Variants in ZNF362 observed in about 807,000 individuals in gnomAD.
The protein encoded by ZNF362 is zinc finger protein 362.
A neutral mutation model predicts 42.9 loss-of-function variants in ZNF362; 11 were observed. That is an observed-to-expected ratio of 0.26 (90% CI 0.16 to 0.42). The LOEUF (loss-of-function observed/expected upper bound fraction) is 0.42. Ranked by LOEUF, ZNF362 falls within the 20% of genes least tolerant of loss-of-function variation. The probability of loss-of-function intolerance (pLI) is 1.00; values close to 1 mark genes in which losing one functional copy is unlikely to be tolerated. For synonymous variants in ZNF362, 255 were observed against 257.3 expected, an observed-to-expected ratio of 0.99 and a Z score of 0.09; for missense variants, 362 against 576.2, an observed-to-expected ratio of 0.63 and a Z score of 3.81.
chr1:33,193,004 C>CACACACACACACACATATAT, the ZNF362 span, among the ~76,000 whole-genome samples: 1 of 137,202 alleles, frequency 7.3e-6, no homozygotes, highest in Admixed American at 7.5e-5. Context: ...CACACACACA[C>CACACACACACACACATATAT]ATATATATAT....
chr1:33,296,246 G>T (rs913290869), intron 8 of ZNF362, among the ~76,000 whole-genome samples: 1 of 152,174 alleles, frequency 6.6e-6, no homozygotes, highest in Non-Finnish European at 1.5e-5. Flanking sequence ...CAGCATTCCA[G>T]GCCTCCATCC....
chr1:33,181,430 C>A, the ZNF362 span: 1 of 1,593,958 alleles, frequency 6.3e-7, no homozygotes, highest in Non-Finnish European at 8.5e-7. The surrounding 1 kb of genome is among the most constrained non-coding windows in gnomAD (Gnocchi z 6.5). Context: ...GGCTGCACGC[C>A]ATGGCGCCAG....
the ZNF362 span, among the ~76,000 whole-genome samples, chr1:33,141,453 G>A: frequency 6.6e-6 from 1 of 152,110 alleles, no homozygotes; most frequent in Non-Finnish European, 1.5e-5. Flanking sequence ...AACCCTCTCT[G>A]GGCTTCAGGT....
At chr1:33,231,925 G>T in the ZNF362 span, among the ~76,000 whole-genome samples, 5 of 152,082 alleles carry the variant, frequency 3.3e-5, no homozygotes, top group African/African-American at 9.7e-5. Flanking sequence ...CAGTAGGTGG[G>T]AACTGAAATT....
the ZNF362 span, chr1:33,145,718 A>G: frequency 2.7e-6 from 1 of 369,888 alleles, no homozygotes; most frequent in Non-Finnish European, 5.5e-6. Flanking sequence ...CCACTCCTCC[A>G]GTTCCCACCT....
the ZNF362 span, among the ~76,000 whole-genome samples, chr1:33,229,834 C>G: frequency 6.6e-6 from 1 of 152,190 alleles, no homozygotes; most frequent in African/African-American, 2.4e-5. Context: ...GTCCCTCCCT[C>G]TGCTCTCTGT....
the ZNF362 span, chr1:33,181,744 G>C: frequency 2.5e-6 from 1 of 407,488 alleles, no homozygotes; most frequent in Non-Finnish European, 4.4e-6. The surrounding 1 kb of genome is among the most constrained non-coding windows in gnomAD (Gnocchi z 6.5). Context: ...GGTTCTAGGG[G>C]GCGGGGCAGT....
At chr1:33,230,790 G>A in the ZNF362 span, among the ~76,000 whole-genome samples, 1 of 152,210 alleles carries the variant, frequency 6.6e-6, no homozygotes, top group Non-Finnish European at 1.5e-5. Context: ...TGCTTCTCAA[G>A]GTGTGTTACT....
At chr1:33,138,644 AAG>A in the ZNF362 span, among the ~76,000 whole-genome samples, 3 of 151,258 alleles carry the variant, frequency 2.0e-5, no homozygotes, top group Non-Finnish European at 2.9e-5. Flanking sequence ...AAAAAAAAAA[AAG>A]AAAAGGAAAG....
At chr1:33,262,403 C>T (rs1165295307) in intron 1 of ZNF362, among the ~76,000 whole-genome samples, 4 of 1,590 alleles carry the variant, frequency 2.5e-3, no homozygotes, top group Non-Finnish European at 0.083. Context: ...CTCCTGGGTT[C>T]ACACCATTCT....
At chr1:33,149,199 C>A in the ZNF362 span, among the ~76,000 whole-genome samples, 111,385 of 152,078 alleles carry the variant, frequency 0.73, 40,825 homozygotes, top group Admixed American at 0.76. Flanking sequence ...ATCCCCCAGG[C>A]GGGAATGCAG....
the ZNF362 span, among the ~76,000 whole-genome samples, chr1:33,168,066 T>G: frequency 6.6e-6 from 1 of 151,852 alleles, no homozygotes; most frequent in Non-Finnish European, 1.5e-5. Context: ...AATAAAGCAG[T>G]GTGAGATGGA....
the ZNF362 span, among the ~76,000 whole-genome samples, chr1:33,168,019 G>A: frequency 1.3e-5 from 2 of 152,172 alleles, no homozygotes; most frequent in East Asian, 3.9e-4. Context: ...AAATAATAAA[G>A]GAGCGAGGTT....
chr1:33,196,691 AG>A, the ZNF362 span, among the ~76,000 whole-genome samples: 1 of 152,238 alleles, frequency 6.6e-6, no homozygotes, highest in East Asian at 1.9e-4. Flanking sequence ...TACATAAACC[AG>A]TAACAGCTGT....
At chr1:33,193,234 A>C in the ZNF362 span, among the ~76,000 whole-genome samples, 5 of 152,188 alleles carry the variant, frequency 3.3e-5, no homozygotes, top group African/African-American at 4.8e-5. Flanking sequence ...TGTAATCACA[A>C]TCTGCATTAG....
the ZNF362 span, among the ~76,000 whole-genome samples, chr1:33,184,507 AC>A: frequency 6.6e-6 from 1 of 152,108 alleles, no homozygotes; most frequent in Admixed American, 6.5e-5. Flanking sequence ...ATAGAAATAG[AC>A]CTTAAGGCAT....
intron 1 of ZNF362, chr1:33,261,428 T>C (rs1645827217): frequency 6.6e-6 from 1 of 152,106 alleles, no homozygotes; most frequent in South Asian, 2.1e-4. Flanking sequence ...GGATTCCTGG[T>C]TTCAGTGGCC....
chr1:33,288,410 C>T (rs1338517391), intron 6 of ZNF362, among the ~76,000 whole-genome samples: 1 of 152,144 alleles, frequency 6.6e-6, no homozygotes, highest in East Asian at 1.9e-4. Flanking sequence ...GGGCCACTAG[C>T]TTCAGCTCAG....
At chr1:33,201,839 C>T in the ZNF362 span, among the ~76,000 whole-genome samples, 201 of 152,228 alleles carry the variant, frequency 1.3e-3, 2 homozygotes, top group African/African-American at 4.6e-3. Context: ...GTTCATAGAG[C>T]AGACCAGTAA....
Sources: gnomAD v4.1 joint callset for allele counts (sites outside exome capture counted in the v4.1 genomes callset) on GRCh38, gnomAD v4.1.1 for gene constraint, Gnocchi (gnomAD v3.1) non-coding constraint, MANE v1.5 for transcripts, NCBI Gene and HGNC (gene_info 2026-07-23, HGNC 2026-07-21) for gene names.